CCDC82: variants seen among roughly 807,000 people sequenced by gnomAD.
CCDC82 encodes the protein coiled-coil domain-containing protein 82.
A neutral mutation model predicts 60.6 loss-of-function variants in CCDC82; 47 were observed. The ratio of observed to expected loss-of-function variants is 0.77; its 90% CI spans 0.61 to 0.99. CCDC82 has a LOEUF of 0.99. CCDC82 is among the 50% of genes least tolerant of loss of function. The probability of loss-of-function intolerance (pLI) is 0.00; values close to 1 mark genes in which losing one functional copy is unlikely to be tolerated. For missense variants in CCDC82, 588 were observed against 633.0 expected, an observed-to-expected ratio of 0.93 and a Z score of 0.76; for synonymous variants, 212 against 207.4, an observed-to-expected ratio of 1.02 and a Z score of -0.19.
intron 3 of CCDC82, chr11:96,385,956 C>T (rs1347761458): frequency 6.6e-6 from 1 of 152,136 alleles, no homozygotes; most frequent in Non-Finnish European, 1.5e-5. Context: ...CTGATTATTC[C>T]AATATTTCCA....
chr11:96,355,113 A>T (rs1864279325), intron 9 of CCDC82: 1 of 152,234 alleles, frequency 6.6e-6, no homozygotes, highest in Non-Finnish European at 1.5e-5. Flanking sequence ...ATATAAGTAA[A>T]GTACTCTAGG....
chr11:96,378,332 T>G (rs1047178504), intron 5 of CCDC82, among the ~76,000 whole-genome samples: 24 of 152,026 alleles, frequency 1.6e-4, no homozygotes, highest in African/African-American at 5.1e-4. Flanking sequence ...TTTATAGCAT[T>G]TTCTTGTTTC....
At chr11:96,357,905 T>G (rs1032922283) in intron 9 of CCDC82, 1 of 985,218 alleles carries the variant, frequency 1.0e-6, no homozygotes. Flanking sequence ...CTGAAAAGAA[T>G]AAAATGAGAG....
At chr11:96,368,727 G>T (rs567920345) in intron 7 of CCDC82, among the ~76,000 whole-genome samples, 1 of 152,072 alleles carries the variant, frequency 6.6e-6, no homozygotes, top group Admixed American at 6.5e-5. Context: ...TCAGCCAGGC[G>T]TGGTGGCAGG....
chr11:96,359,812 TC>T (rs569106824), intron 8 of CCDC82, among the ~76,000 whole-genome samples: 3 of 149,720 alleles, frequency 2.0e-5, no homozygotes, highest in South Asian at 2.1e-4. Flanking sequence ...ACTTTTCTTT[TC>T]CCCCCCCAAA....
chr11:96,358,131 T>C, intron 9 of CCDC82: 2 of 986,188 alleles, frequency 2.0e-6, no homozygotes, highest in Non-Finnish European at 2.4e-6. Flanking sequence ...CTTTTACAAA[T>C]TTCCCTATGA....
intron 1 of CCDC82, chr11:96,388,981 T>C (rs1361210400): frequency 6.6e-6 from 1 of 152,162 alleles, no homozygotes; most frequent in Non-Finnish European, 1.5e-5. Flanking sequence ...TCTGATGAAA[T>C]TACTAGGGAC....
chr11:96,358,715 A>G, intron 9 of CCDC82: 1 of 1,167,838 alleles, frequency 8.6e-7, no homozygotes, highest in African/African-American at 1.6e-5. Context: ...TAAGCAATAC[A>G]TACATAAAAG....
At chr11:96,365,685 T>C (rs549071757) in intron 7 of CCDC82, among the ~76,000 whole-genome samples, 2 of 152,326 alleles carry the variant, frequency 1.3e-5, no homozygotes, top group Non-Finnish European at 2.9e-5. Context: ...CTGGTATTCA[T>C]ATGGACAGTT....
chr11:96,376,581 C>G (rs565727123), intron 5 of CCDC82, among the ~76,000 whole-genome samples: 17 of 152,124 alleles, frequency 1.1e-4, no homozygotes, highest in Admixed American at 4.6e-4. Flanking sequence ...GCGCCCGCCA[C>G]CATGCCTGGC....
intron 1 of CCDC82, chr11:96,388,053 T>C (rs1866300318): frequency 6.6e-6 from 1 of 152,254 alleles, no homozygotes; most frequent in Non-Finnish European, 1.5e-5. Flanking sequence ...GGGTCTCTCA[T>C]ATTTCAAAAT....
At chr11:96,358,064 T>A (rs1591159931) in intron 9 of CCDC82, 4 of 984,260 alleles carry the variant, frequency 4.1e-6, no homozygotes, top group Non-Finnish European at 4.8e-6. Context: ...TAAAAAAGTT[T>A]CTGTTTTGTT....
intron 8 of CCDC82, among the ~76,000 whole-genome samples, chr11:96,360,291 A>G (rs1361298623): frequency 2.0e-5 from 3 of 149,708 alleles, no homozygotes; most frequent in African/African-American, 4.9e-5. Context: ...CAACCTCTAC[A>G]TTCCGGTTTC....
At chr11:96,356,581 A>G in intron 9 of CCDC82, 2 of 984,760 alleles carry the variant, frequency 2.0e-6, no homozygotes, top group Non-Finnish European at 2.4e-6. Context: ...TATTCGTTAG[A>G]ATTTTGCCAG....
At position 96,353,226 on chromosome 11, in the gene CCDC82, T is replaced by C. The variant is rs1864171212; in HGVS notation, c.*420A>G. On this transcript the variant is annotated 3_prime_UTR_variant, in exon 10 of 10. Transcript: ENST00000646818. ...ATTTAGATGATAGCAGTAAAAAATA[T>C]ATTAGTGAAAATCATTTAATACTGT... The C allele has an allele frequency of 6.2e-6, 1 of 160,072 alleles. No homozygotes were observed. The highest frequency in any genetic ancestry group is 2.4e-5 in the African/African-American group (1 of 41,502). The allele number at this position is 160,072 out of a possible 1,614,324, so 9.9% of individuals were successfully genotyped here.
At chr11:96,376,201 C>T (rs1468449871) in intron 5 of CCDC82, among the ~76,000 whole-genome samples, 1 of 152,122 alleles carries the variant, frequency 6.6e-6, no homozygotes, top group African/African-American at 2.4e-5. Context: ...ACTAATTTCA[C>T]ATATATGCCA....
chr11:96,358,907 A>C lies in CCDC82; in HGVS notation c.1566+86T>G. The C allele has an allele frequency of 4.2e-6, 5 of 1,190,916 alleles. No individual in the cohort carries two copies. In the South Asian group the frequency reaches 7.2e-5, roughly 17 times the overall value. 73.8% of individuals were successfully genotyped at this position (1,190,916 alleles called of 1,614,324 possible). On this transcript the variant is annotated intron_variant, in intron 9 of 9. Transcript: ENST00000646818. ...GAAGAAAGAGATTCTCTTAAATTTC[A>C]CTATCTTTTAATCATTTGTTTCCTT...
intron 5 of CCDC82, chr11:96,380,840 GA>G (rs1271013885): frequency 6.6e-6 from 1 of 151,610 alleles, no homozygotes; most frequent in East Asian, 1.9e-4. Context: ...AAAGGAGAAT[GA>G]ATTAAAGCAC....
intron 3 of CCDC82, 154 bp from the exon 4 acceptor site, chr11:96,384,915 T>A (rs1866106242): frequency 1.9e-6 from 1 of 525,754 alleles, no homozygotes; most frequent in African/African-American, 2.0e-5. Context: ...GAACATTAAT[T>A]TAACAAATAA....
Sources: allele counts gnomAD v4.1 joint callset (sites outside exome capture counted in the v4.1 genomes callset), GRCh38; gene constraint gnomAD v4.1.1; transcripts MANE v1.5; gene names NCBI Gene and HGNC (gene_info 2026-07-23, HGNC 2026-07-21).